Variants in ELL2 observed in about 807,000 individuals in gnomAD.
ELL2 encodes the protein RNA polymerase II elongation factor ELL2.
Under a neutral mutation model 72.8 loss-of-function variants are expected in ELL2, and 21 were observed. That is an observed-to-expected ratio of 0.29 (90% CI 0.20 to 0.42). The LOEUF (loss-of-function observed/expected upper bound fraction) is 0.42. Among genes scored for constraint, ELL2 ranks in the 10% least tolerant of loss-of-function variants. ELL2 has a pLI of 1.00. For missense variants in ELL2, 568 were observed against 772.8 expected, an observed-to-expected ratio of 0.73 and a Z score of 3.14; for synonymous variants, 266 against 283.2, an observed-to-expected ratio of 0.94 and a Z score of 0.61.
intron 2 of ELL2, among the ~76,000 whole-genome samples, chr5:95,932,454 C>T (rs1444143591): frequency 6.6e-6 from 1 of 152,198 alleles, no homozygotes; most frequent in African/African-American, 2.4e-5. Flanking sequence ...CAAAGGTTTA[C>T]ATATGGGTAA....
At chr5:95,937,532 TTGTG>T (rs970447938) in intron 2 of ELL2, among the ~76,000 whole-genome samples, 6 of 151,268 alleles carry the variant, frequency 4.0e-5, no homozygotes, top group African/African-American at 9.7e-5. Flanking sequence ...TGTGTACGTG[TTGTG>T]TGTGTGTATA....
At chr5:95,889,606 A>T (rs1227159584) in intron 10 of ELL2, among the ~76,000 whole-genome samples, 1 of 152,220 alleles carries the variant, frequency 6.6e-6, no homozygotes, top group Non-Finnish European at 1.5e-5. Context: ...GTATTCTAAG[A>T]ATTCCATTAC....
chr5:95,906,930 A>C, intron 4 of ELL2, 148 bp from the exon 5 acceptor site: 2 of 734,122 alleles, frequency 2.7e-6, no homozygotes, highest in Non-Finnish European at 4.1e-6. Flanking sequence ...GAAGGCATGC[A>C]AACAGAAAGC....
chr5:95,927,181 G>A (rs1023700715), intron 2 of ELL2, among the ~76,000 whole-genome samples: 2 of 151,798 alleles, frequency 1.3e-5, no homozygotes, highest in East Asian at 1.9e-4. Context: ...GTCCAGGAAC[G>A]AGATAATGAT....
intron 1 of ELL2, among the ~76,000 whole-genome samples, chr5:95,954,267 T>C (rs759220833): frequency 4.6e-4 from 70 of 152,098 alleles, no homozygotes; most frequent in Non-Finnish European, 6.6e-4. Context: ...ACTCACATCT[T>C]TATCTCTCCT....
chr5:95,905,254 CGTAT>C (rs1749312450), intron 5 of ELL2, among the ~76,000 whole-genome samples: 2 of 149,538 alleles, frequency 1.3e-5, no homozygotes, highest in Admixed American at 6.6e-5. Context: ...CACACACACA[CGTAT>C]ATATATATAT....
intron 2 of ELL2, among the ~76,000 whole-genome samples, chr5:95,938,089 C>A (rs991188719): frequency 1.2e-4 from 18 of 152,206 alleles, no homozygotes; most frequent in Non-Finnish European, 2.2e-4. Flanking sequence ...CCACACCCCC[C>A]ACAAAGTAAA....
rs768586732 is a variant in ELL2, at chr5:95,895,698, A to G, written c.1526-7T>C. On this transcript the variant is annotated splice_polypyrimidine_tract_variant and splice_region_variant and intron_variant, in intron 8 of 11. Transcript: ENST00000237853. ...GTGCAATCCTCTTTAACTCCTATGAAGAAAAAAAACAAAATCAGAGCATTC... is the reference window on the plus strand; with the variant it reads ...GTGCAATCCTCTTTAACTCCTATGAGGAAAAAAAACAAAATCAGAGCATTC... The G allele has an allele frequency of 1.9e-6, 3 of 1,613,322 alleles. No individual in the cohort carries two copies. The highest frequency in any genetic ancestry group is 1.7e-5 in the Admixed American group (1 of 60,002).
chr5:95,903,610 CTGT>C (rs959394569), intron 5 of ELL2, among the ~76,000 whole-genome samples: 5 of 152,090 alleles, frequency 3.3e-5, no homozygotes, highest in Non-Finnish European at 2.9e-5. Flanking sequence ...GTTTTCTGCT[CTGT>C]TTTCCTCATT....
chr5:95,904,729 CTCT>C (rs1178901611), intron 5 of ELL2, among the ~76,000 whole-genome samples: 1 of 152,172 alleles, frequency 6.6e-6, no homozygotes, highest in Non-Finnish European at 1.5e-5. Context: ...TATCTTGCGG[CTCT>C]TCTTTTCTCT....
In ELL2 at chr5:95,888,561, T is replaced by C. The variant is rs1484416878; in HGVS notation, c.*310A>G. 5.3e-5 allele frequency: 10 copies of C among 188,772 alleles called. No individual in the cohort carries two copies. The highest frequency in any genetic ancestry group is 4.3e-4 in the Admixed American group (7 of 16,420). 11.7% of individuals were successfully genotyped at this position (188,772 alleles called of 1,614,324 possible). ...TCCCCAATATCTAAAAAATCATTTC[T>C]AATAACAAACACAAGTTTTTGAGGA... On this transcript the variant is annotated 3_prime_UTR_variant, in exon 12 of 12. Transcript: ENST00000237853.
intron 2 of ELL2, among the ~76,000 whole-genome samples, chr5:95,932,034 G>A (rs1299658317): frequency 6.7e-6 from 1 of 149,336 alleles, no homozygotes; most frequent in Non-Finnish European, 1.5e-5. Context: ...CAAACATATA[G>A]TATTTTAATT....
At chr5:95,910,593 G>A (rs1749551497) in intron 4 of ELL2, among the ~76,000 whole-genome samples, 1 of 152,004 alleles carries the variant, frequency 6.6e-6, no homozygotes. Context: ...TTCTGCCCAC[G>A]AGAGGGTTGC....
At chr5:95,922,763 T>A (rs1750138151) in intron 2 of ELL2, among the ~76,000 whole-genome samples, 1 of 152,206 alleles carries the variant, frequency 6.6e-6, no homozygotes, top group Non-Finnish European at 1.5e-5. Flanking sequence ...GCTACAGATT[T>A]AAAAAATATG....
intron 2 of ELL2, among the ~76,000 whole-genome samples, chr5:95,926,993 C>T (rs1750305027): frequency 6.6e-6 from 1 of 152,050 alleles, no homozygotes; most frequent in African/African-American, 2.4e-5. Context: ...TGAAATTAGC[C>T]TTCTAAATGT....
intron 10 of ELL2, among the ~76,000 whole-genome samples, chr5:95,889,434 C>G (rs560259379): frequency 6.6e-6 from 1 of 152,120 alleles, no homozygotes; most frequent in Non-Finnish European, 1.5e-5. Flanking sequence ...GTCCATCAAT[C>G]TATACAAAGG....
Position 95,891,279 on chromosome 5 carries a change from T to C in ELL2, c.1590-5A>G, listed in dbSNP as rs1748651673. On this transcript the variant is annotated splice_polypyrimidine_tract_variant and splice_region_variant and intron_variant, in intron 9 of 11. Coordinates refer to ENST00000237853, the MANE Select transcript of ELL2 (RefSeq NM_012081.6). ...GAGACGATAGCGATATATTTTCTAA[T>C]AAGAAAAAAGATAAATGGAGAGTAG... The C allele has an allele frequency of 6.3e-7, 1 of 1,594,364 alleles. No homozygotes were observed. Among genetic ancestry groups the C allele is most frequent in the Non-Finnish European group, 8.5e-7 (1 of 1,173,080 alleles).
rs144082161 is a variant in ELL2, at chr5:95,951,364, G to A, written c.148-8315C>T. On this transcript the variant is annotated intron_variant, in intron 1 of 11. Transcript: ENST00000237853. ...AGCCTGGGGGACAGAGCGAGACTCC[G>A]TCTCAAAAATAAAATAAAATAAATA... 2.8e-3 allele frequency among the ~76,000 whole-genome samples: 416 copies of A among 149,026 alleles called. 3 individuals are homozygous for A. The highest frequency in any genetic ancestry group is 0.01 in the East Asian group (53 of 5,152).
In ELL2 at chr5:95,961,837, G is replaced by C. The variant is rs1751883954; in HGVS notation, c.-116C>G. On this transcript the variant is annotated 5_prime_UTR_variant, in exon 1 of 12. Transcript: ENST00000237853. ...CTGCTAGGGCCATCCCGCTGCTGAC[G>C]TACTGTCATATACTGCGCGGAGCCA... is the stretch of plus-strand genomic sequence containing the variant. 5.2e-6 allele frequency: 7 copies of C among 1,354,738 alleles called. No individual in the cohort carries two copies. Among genetic ancestry groups the C allele is most frequent in the Non-Finnish European group, 4.9e-6 (5 of 1,025,742 alleles). The allele number at this position is 1,354,738 out of a possible 1,614,324, so 83.9% of individuals were successfully genotyped here.
Sources: gnomAD v4.1 joint callset for allele counts (sites outside exome capture counted in the v4.1 genomes callset) on GRCh38, gnomAD v4.1.1 for gene constraint, MANE v1.5 for transcripts, NCBI Gene and HGNC (gene_info 2026-07-23, HGNC 2026-07-21) for gene names.